Variants in PLS3 observed in about 807,000 individuals in gnomAD.
PLS3 encodes plastin 3.
PLS3 carries 11 observed loss-of-function variants against 46.5 expected under a neutral mutation model. That is an observed-to-expected ratio of 0.24 (90% CI 0.15 to 0.39). PLS3 has a LOEUF of 0.39. Ranked by LOEUF, PLS3 falls within the 10% of genes least tolerant of loss-of-function variation. The probability of loss-of-function intolerance (pLI) is 1.00; values close to 1 mark genes in which losing one functional copy is unlikely to be tolerated. For missense variants in PLS3, 308 were observed against 461.8 expected (o/e 0.67, Z 3.05); for synonymous variants, 167 against 162.2 (o/e 1.03, Z -0.22).
chrX:115,610,815 C>T (rs1246785761), intron 2 of PLS3: 20 of 1,031,527 alleles, frequency 1.9e-5, no homozygotes, highest in South Asian at 5.4e-5. Flanking sequence ...CGTTCTACCT[C>T]GCCACGTTAA....
chrX:115,578,569 C>CA (rs199560654), intron 1 of PLS3, among the ~76,000 whole-genome samples: 1 of 106,037 alleles, frequency 9.4e-6, no homozygotes, highest in African/African-American at 3.5e-5. Context: ...ACTAAAAATA[C>CA]AAAAAATTAG....
intron 2 of PLS3, among the ~76,000 whole-genome samples, chrX:115,618,275 T>C (rs2074615783): frequency 8.9e-6 from 1 of 112,482 alleles, no homozygotes; most frequent in African/African-American, 3.2e-5. Context: ...ATACCTGTTA[T>C]ATACTCCAGT....
At chrX:115,638,229 G>GC (rs782785656) in intron 8 of PLS3, among the ~76,000 whole-genome samples, 3 of 111,333 alleles carry the variant, frequency 2.7e-5, no homozygotes. Flanking sequence ...TTCTGCCTCA[G>GC]CCTCCTGAGT....
chrX:115,588,721 C>T (rs1178585859), intron 1 of PLS3, among the ~76,000 whole-genome samples: 3 of 110,245 alleles, frequency 2.7e-5, no homozygotes, highest in Non-Finnish European at 3.8e-5. Context: ...CCCCACCCCT[C>T]CACTTTTCTC....
intron 1 of PLS3, among the ~76,000 whole-genome samples, chrX:115,568,209 C>T (rs782352845): frequency 9.0e-6 from 1 of 111,524 alleles, no homozygotes; most frequent in Non-Finnish European, 1.9e-5. Flanking sequence ...GAAAATGATA[C>T]GAAATTGTCC....
At chrX:115,593,694 A>G (rs1050691917) in intron 1 of PLS3, 2 of 111,841 alleles carry the variant, frequency 1.8e-5, no homozygotes, top group Non-Finnish European at 3.8e-5. Flanking sequence ...CTAAATTTAA[A>G]TACTAAATGA....
intron 10 of PLS3, 138 bp from the exon 11 acceptor site, chrX:115,644,883 G>T (rs986028389): frequency 9.5e-6 from 4 of 419,001 alleles, no homozygotes; most frequent in Non-Finnish European, 1.6e-5. Flanking sequence ...GTACTTAGAA[G>T]AATGCTTGGA....
At chrX:115,646,367 G>A in intron 12 of PLS3, 35 bp from the exon 13 acceptor site, 3 of 1,194,300 alleles carry the variant, frequency 2.5e-6, no homozygotes, top group Non-Finnish European at 3.4e-6. Context: ...TAAACAAATG[G>A]AAGTCTTTAA....
rs1297311932 is a variant in PLS3 at position 115,572,459 on chromosome X, A to G, written c.-9+11199A>G. Among the ~76,000 whole-genome samples, 3 of 112,174 alleles carry G rather than the reference A, an allele frequency of 2.7e-5. No homozygotes were observed. In the South Asian group the frequency reaches 1.1e-3, roughly 41 times the overall value. On this transcript the variant is annotated intron_variant, in intron 1 of 15. Coordinates refer to ENST00000355899, the MANE Select transcript of PLS3 (RefSeq NM_005032.7). ...ATGAAGGGAAGGTTAATAAGTATCT[A>G]GAAACTGTAAGTGTTGTATAAAAGA...
chrX:115,578,183 A>G (rs1603220126), intron 1 of PLS3, among the ~76,000 whole-genome samples: 1 of 112,073 alleles, frequency 8.9e-6, no homozygotes, highest in Non-Finnish European at 1.9e-5. Flanking sequence ...GAAGGAAATC[A>G]AGGAGTATCC....
chrX:115,562,394 T>C (rs1556629682), intron 1 of PLS3: 1 of 111,765 alleles, frequency 8.9e-6, no homozygotes, highest in Non-Finnish European at 1.9e-5. Context: ...CGATGCTCCT[T>C]GCCTCTCACC....
intron 9 of PLS3, among the ~76,000 whole-genome samples, chrX:115,642,067 C>T (rs2074903505): frequency 1.2e-5 from 1 of 83,172 alleles, no homozygotes; most frequent in African/African-American, 4.8e-5. Flanking sequence ...TTTTAAGAGA[C>T]GAGGTTTCGC....
In PLS3 at chrX:115,649,694, A is replaced by G. The variant is rs967908490; in HGVS notation, c.*133A>G. 3.4e-5 allele frequency: 18 copies of G among 523,899 alleles called. No homozygotes were observed. The African/African-American group carries it at 4.1e-4, about 12-fold the overall frequency. 43.2% of individuals were successfully genotyped at this position (523,899 alleles called of 1,213,427 possible). Reference sequence around the variant, plus strand: ...ACTTTTCATTTTGATTAACAGGACTAGCTTATCATGAGAGCCCTCAGGGGA... The same window carrying G: ...ACTTTTCATTTTGATTAACAGGACTGGCTTATCATGAGAGCCCTCAGGGGA... On this transcript the variant is annotated 3_prime_UTR_variant, in exon 16 of 16. Coordinates refer to ENST00000355899, the MANE Select transcript of PLS3 (RefSeq NM_005032.7).
intron 1 of PLS3, among the ~76,000 whole-genome samples, chrX:115,594,269 A>G (rs1053865256): frequency 8.9e-6 from 1 of 111,863 alleles, no homozygotes; most frequent in Non-Finnish European, 1.9e-5. Context: ...TTTCCATCAC[A>G]TGGTTGTCAT....
intron 1 of PLS3, among the ~76,000 whole-genome samples, chrX:115,579,283 T>C (rs1394929055): frequency 8.9e-6 from 1 of 112,194 alleles, no homozygotes; most frequent in Non-Finnish European, 1.9e-5. Flanking sequence ...TTCCATGGTG[T>C]GTATGTAACA....
intron 1 of PLS3, among the ~76,000 whole-genome samples, chrX:115,606,216 C>T (rs1556635294): frequency 1.3e-5 from 1 of 76,220 alleles, no homozygotes; most frequent in Non-Finnish European, 2.3e-5. Context: ...TGGCTCACTG[C>T]AGCCTCGACC....
At chrX:115,585,680 G>A (rs781905380) in intron 1 of PLS3, among the ~76,000 whole-genome samples, 38 of 111,135 alleles carry the variant, frequency 3.4e-4, no homozygotes, top group African/African-American at 1.2e-3. Context: ...GTGAGCCACT[G>A]CACCCGGTCT....
chrX:115,647,807 G>A, intron 14 of PLS3, 86 bp from the exon 15 acceptor site: 1 of 1,158,239 alleles, frequency 8.6e-7, no homozygotes. Context: ...GAATTCACTG[G>A]GCTTTGTTTT....
chrX:115,646,580 G>C, intron 13 of PLS3, 45 bp downstream of exon 13: 2 of 1,124,621 alleles, frequency 1.8e-6, no homozygotes, highest in Non-Finnish European at 2.4e-6. Context: ...TATCATACAG[G>C]TCTGTGATTT....
Sources: gnomAD v4.1 joint callset for allele counts (sites outside exome capture counted in the v4.1 genomes callset) on GRCh38, gnomAD v4.1.1 for gene constraint, MANE v1.5 for transcripts, NCBI Gene and HGNC (gene_info 2026-07-23, HGNC 2026-07-21) for gene names.